CYP2C19: variants seen among roughly 807,000 people sequenced by gnomAD.
The protein encoded by CYP2C19 is cytochrome P450 2C19.
CYP2C19 carries 59 observed loss-of-function variants against 40.9 expected under a neutral mutation model. That is an observed-to-expected ratio of 1.44 (90% CI 1.17 to 1.79). CYP2C19 has a LOEUF of 1.79. Ranked by LOEUF, CYP2C19 falls within the 40% of genes most tolerant of loss-of-function variation. The probability of loss-of-function intolerance (pLI) is 0.00; values close to 1 mark genes in which losing one functional copy is unlikely to be tolerated. For synonymous variants in CYP2C19, 253 were observed against 208.7 expected, an observed-to-expected ratio of 1.21 and a Z score of -1.83; for missense variants, 754 against 596.9, an observed-to-expected ratio of 1.26 and a Z score of -2.74.
At chr10:94,816,735 C>A (rs531692444) in intron 5 of CYP2C19, among the ~76,000 whole-genome samples, 3 of 130,012 alleles carry the variant, frequency 2.3e-5, no homozygotes, top group Non-Finnish European at 3.2e-5. Flanking sequence ...CCCCTCCCCC[C>A]ACCCCACATC....
intron 6 of CYP2C19, among the ~76,000 whole-genome samples, chr10:94,822,264 C>A (rs184342543): frequency 1.8e-4 from 27 of 152,092 alleles, no homozygotes; most frequent in Non-Finnish European, 2.9e-5. Context: ...ACTGGAAAGG[C>A]CTCACAATAA....
At chr10:94,842,094 A>G (rs1589376261) in intron 6 of CYP2C19, among the ~76,000 whole-genome samples, 1 of 152,148 alleles carries the variant, frequency 6.6e-6, no homozygotes, top group East Asian at 1.9e-4. Flanking sequence ...GGGTTGTTGA[A>G]GTCTCCAGCT....
chr10:94,844,664 T>A (rs1849545324), intron 7 of CYP2C19, among the ~76,000 whole-genome samples: 1 of 152,168 alleles, frequency 6.6e-6, no homozygotes, highest in South Asian at 2.1e-4. Flanking sequence ...AAGACAGAAT[T>A]GTTAATTTAC....
At chr10:94,819,218 T>G (rs1849070284) in intron 5 of CYP2C19, among the ~76,000 whole-genome samples, 1 of 123,726 alleles carries the variant, frequency 8.1e-6, no homozygotes, top group African/African-American at 3.1e-5. Flanking sequence ...CATACCAGAA[T>G]CTCTGGGACG....
rs185310826 is a variant in CYP2C19, at chr10:94,802,731, C to G, written c.820-17765C>G. ...TTGCAGTGGCTGGTACCAATTTTTCCTTTCCATATTTAGTGCTTCCTTCAT... is the reference window on the plus strand; with the variant it reads ...TTGCAGTGGCTGGTACCAATTTTTCGTTTCCATATTTAGTGCTTCCTTCAT... On this transcript the variant is annotated intron_variant, in intron 5 of 8. Transcript: ENST00000371321. Among the ~76,000 whole-genome samples, 471 of 152,154 alleles carry G rather than the reference C, an allele frequency of 3.1e-3. 3 individuals are homozygous for G. Among genetic ancestry groups the G allele is most frequent in the African/African-American group, 0.011 (448 of 41,512 alleles).
chr10:94,815,522 C>T (rs1318861687), intron 5 of CYP2C19, among the ~76,000 whole-genome samples: 1 of 152,208 alleles, frequency 6.6e-6, no homozygotes, highest in African/African-American at 2.4e-5. Context: ...CCATTGCTTC[C>T]ACTCTCTGAA....
chr10:94,797,782 G>A lies in CYP2C19; in HGVS notation c.819+15785G>A, dbSNP rs138746756. ...GATATTCTAGTTTATTTGCATACAGGTGTTTATAGTATTCTGTGATTGTAG... is the reference window on the plus strand; with the variant it reads ...GATATTCTAGTTTATTTGCATACAGATGTTTATAGTATTCTGTGATTGTAG... On this transcript the variant is annotated intron_variant, in intron 5 of 8. Coordinates refer to ENST00000371321, the MANE Select transcript of CYP2C19 (RefSeq NM_000769.4). Among the ~76,000 whole-genome samples the A allele has an allele frequency of 9.0e-3, 1,363 of 152,162 alleles. 22 individuals carry two copies. Among genetic ancestry groups the A allele is most frequent in the African/African-American group, 0.03 (1,233 of 41,548 alleles).
intron 5 of CYP2C19, among the ~76,000 whole-genome samples, chr10:94,808,587 T>G (rs756509530): frequency 6.6e-6 from 1 of 152,280 alleles, no homozygotes; most frequent in Middle Eastern, 3.4e-3. Flanking sequence ...ACCCACTCAC[T>G]GTCCCTCCCA....
At chr10:94,780,776 A>G (rs1425445941) in intron 4 of CYP2C19, 117 bp downstream of exon 4, 1 of 1,129,264 alleles carries the variant, frequency 8.9e-7, no homozygotes, top group South Asian at 1.4e-5. Context: ...AGTCTTGCCT[A>G]GACAGCCATG....
In CYP2C19 at chr10:94,854,526, TAAG is replaced by T. The variant is rs1181506971; in HGVS notation, c.*1616_*1618del. On this transcript the variant is annotated 3_prime_UTR_variant, in exon 9 of 9. Transcript: ENST00000371321. The stretch of plus-strand genomic sequence containing the variant: ...TGTCTTCTACTTGAAATGTAAGAAA[TAAG>T]AAGTAACATAATTGATTATGCTTTT... Among the ~76,000 whole-genome samples the T allele has an allele frequency of 6.6e-6, 1 of 151,826 alleles. No individual in the cohort carries two copies.
At chr10:94,815,784 T>C (rs1335802720) in intron 5 of CYP2C19, among the ~76,000 whole-genome samples, 1 of 152,222 alleles carries the variant, frequency 6.6e-6, no homozygotes, top group East Asian at 1.9e-4. Flanking sequence ...CTCTATAATT[T>C]ATTCTAGGTT....
chr10:94,842,228 TATC>T (rs1402470008), intron 6 of CYP2C19, among the ~76,000 whole-genome samples: 2 of 151,936 alleles, frequency 1.3e-5, no homozygotes, highest in African/African-American at 4.9e-5. Context: ...CTGACTGCTT[TATC>T]ATCAATTGTC....
chr10:94,850,824 A>T (rs1233886412), intron 8 of CYP2C19, among the ~76,000 whole-genome samples: 1 of 152,116 alleles, frequency 6.6e-6, no homozygotes, highest in African/African-American at 2.4e-5. Flanking sequence ...TCAGGGGGAC[A>T]TTAAGAATGT....
At chr10:94,765,354 G>A (rs1848225217) in intron 1 of CYP2C19, among the ~76,000 whole-genome samples, 1 of 152,080 alleles carries the variant, frequency 6.6e-6, no homozygotes, top group South Asian at 2.1e-4. Flanking sequence ...AGTCCAGTTA[G>A]TGGGAAGGCA....
chr10:94,765,799 T>C (rs1355196983), intron 1 of CYP2C19, among the ~76,000 whole-genome samples: 1 of 152,104 alleles, frequency 6.6e-6, no homozygotes, highest in African/African-American at 2.4e-5. Flanking sequence ...TTTGAGTGAC[T>C]CAGAAGTTAC....
At chr10:94,801,784 T>C (rs1417468622) in intron 5 of CYP2C19, among the ~76,000 whole-genome samples, 1 of 152,186 alleles carries the variant, frequency 6.6e-6, no homozygotes, top group Non-Finnish European at 1.5e-5. Context: ...CTGTATTGGG[T>C]GCATATAATT....
intron 6 of CYP2C19, among the ~76,000 whole-genome samples, chr10:94,832,776 AT>A (rs537209933): frequency 5.3e-4 from 80 of 151,342 alleles, no homozygotes; most frequent in African/African-American, 1.5e-3. Context: ...AATTTTAAAG[AT>A]TTTTTTTCTA....
chr10:94,790,045 G>T (rs1338083476), intron 5 of CYP2C19, among the ~76,000 whole-genome samples: 1 of 152,084 alleles, frequency 6.6e-6, no homozygotes, highest in Non-Finnish European at 1.5e-5. Context: ...AGTTCTCCTT[G>T]AAGAGGTCCT....
At chr10:94,799,833 A>T (rs1848739435) in intron 5 of CYP2C19, among the ~76,000 whole-genome samples, 1 of 151,984 alleles carries the variant, frequency 6.6e-6, no homozygotes, top group South Asian at 2.1e-4. Flanking sequence ...TGAAGTTCTC[A>T]TTCCATGGTT....
Sources: allele counts gnomAD v4.1 joint callset (sites outside exome capture counted in the v4.1 genomes callset), GRCh38; gene constraint gnomAD v4.1.1; transcripts MANE v1.5; gene names NCBI Gene and HGNC (gene_info 2026-07-23, HGNC 2026-07-21).